The following KALRN variants were observed in gnomAD, a reference collection of about 807,000 sequenced individuals.
KALRN encodes the protein kalirin RhoGEF kinase, also known as kalirin.
In KALRN, 70 loss-of-function variants were observed where a neutral mutation model predicts 353.7. That is an observed-to-expected ratio of 0.20 (90% confidence interval 0.16 to 0.24). The LOEUF (loss-of-function observed/expected upper bound fraction) is 0.24. Ranked by LOEUF, KALRN falls within the 10% of genes least tolerant of loss-of-function variation. KALRN has a pLI of 1.00. For missense variants in KALRN, 2,791 were observed against 3,756.7 expected, an observed-to-expected ratio of 0.74 and a Z score of 6.72; for synonymous variants, 1,391 against 1,434.8, an observed-to-expected ratio of 0.97 and a Z score of 0.69.
chr3:124,556,331 T>C (rs2071239470), intron 33 of KALRN, among the ~76,000 whole-genome samples: 1 of 152,150 alleles, frequency 6.6e-6, no homozygotes, highest in South Asian at 2.1e-4. Flanking sequence ...GCTTCCAACA[T>C]ACAAACTGAT....
At chr3:124,392,256 GTC>G (rs1215687662) in intron 11 of KALRN, among the ~76,000 whole-genome samples, 4 of 151,984 alleles carry the variant, frequency 2.6e-5, no homozygotes, top group Non-Finnish European at 5.9e-5. Flanking sequence ...TAGATGCTGG[GTC>G]TTACCATGTT....
At chr3:124,187,145 A>C (rs976358780) in intron 1 of KALRN, among the ~76,000 whole-genome samples, 2 of 152,144 alleles carry the variant, frequency 1.3e-5, no homozygotes, top group Non-Finnish European at 2.9e-5. Flanking sequence ...CAGTGGCTTG[A>C]TCTCAGCTCG....
intron 16 of KALRN, among the ~76,000 whole-genome samples, chr3:124,431,293 C>T (rs954347068): frequency 6.6e-6 from 1 of 152,070 alleles, no homozygotes; most frequent in Non-Finnish European, 1.5e-5. Context: ...ATATTTTTAC[C>T]CCGCTGAAAG....
intron 6 of KALRN, among the ~76,000 whole-genome samples, chr3:124,305,454 GC>G (rs2077608404): frequency 6.6e-6 from 1 of 152,184 alleles, no homozygotes; most frequent in Non-Finnish European, 1.5e-5. Context: ...AACCACTTAT[GC>G]CCCAGTACAT....
chr3:124,479,533 G>A (rs1456867515), intron 27 of KALRN, among the ~76,000 whole-genome samples: 2 of 151,580 alleles, frequency 1.3e-5, no homozygotes, highest in Non-Finnish European at 1.5e-5. Flanking sequence ...TAATCTTTGT[G>A]GCTTACTTTC....
intron 5 of KALRN, among the ~76,000 whole-genome samples, chr3:124,289,627 GT>G (rs1308489613): frequency 6.6e-6 from 1 of 152,160 alleles, no homozygotes; most frequent in Non-Finnish European, 1.5e-5. Context: ...TATCTGGGAA[GT>G]TATTGTTAGA....
chr3:124,490,855 A>C lies in KALRN; in HGVS notation c.4558A>C (p.Thr1520Pro), dbSNP rs1421803746. The C allele has an allele frequency of 1.2e-6, 2 of 1,613,404 alleles. No homozygotes were observed. ...SKEIKDSSGHTKYVYKNKLLT... is the reference protein window; with the variant it reads ...SKEIKDSSGHPKYVYKNKLLT... ...GGAGATCAAAGATTCTTCAGGACAC[A>C]CGAAATATGTTTACAAGAACAAGCT... The change falls in exon 30 of 60, where the codon ACG becomes CCG. Residue 1520 changes from threonine to proline, a missense_variant. Physicochemically the swap from Thr to Pro is conservative, Grantham distance 38. Around this residue, in one of 11 missense-constraint regions of KALRN, gnomAD observed 239 missense variants for 351.3 expected, o/e 0.68. Transcript: ENST00000682506.
intron 33 of KALRN, among the ~76,000 whole-genome samples, chr3:124,560,520 T>G (rs2109820028): frequency 6.6e-6 from 1 of 152,320 alleles, no homozygotes; most frequent in South Asian, 2.1e-4. Flanking sequence ...AGAGTGGAGC[T>G]TGTGTTTCAG....
At chr3:124,183,269 G>A (rs1350246824) in intron 1 of KALRN, among the ~76,000 whole-genome samples, 1 of 152,250 alleles carries the variant, frequency 6.6e-6, no homozygotes, top group East Asian at 1.9e-4. Flanking sequence ...GGTTTAATTG[G>A]CTCATGGTTC....
At chr3:124,556,925 C>A (rs919334294) in intron 33 of KALRN, among the ~76,000 whole-genome samples, 1 of 152,134 alleles carries the variant, frequency 6.6e-6, no homozygotes, top group Non-Finnish European at 1.5e-5. Flanking sequence ...TACAACTGTA[C>A]GTCTTGTCCT....
At chr3:124,270,672 C>T (rs1242086980) in intron 5 of KALRN, among the ~76,000 whole-genome samples, 1 of 152,092 alleles carries the variant, frequency 6.6e-6, no homozygotes, top group African/African-American at 2.4e-5. Flanking sequence ...CTGGCCTGAC[C>T]TGCCCTGAGA....
At chr3:124,393,572 G>C (rs2089773351) in intron 11 of KALRN, among the ~76,000 whole-genome samples, 1 of 152,158 alleles carries the variant, frequency 6.6e-6, no homozygotes, top group Admixed American at 6.6e-5. Flanking sequence ...ATAAATGTGA[G>C]GGATGCTGAA....
At chr3:124,117,784 T>C (rs189992670) in intron 1 of KALRN, among the ~76,000 whole-genome samples, 15 of 152,296 alleles carry the variant, frequency 9.8e-5, no homozygotes, top group Admixed American at 2.6e-4. Context: ...AAGCTTCAGA[T>C]TGAGGCATTC....
intron 34 of KALRN, among the ~76,000 whole-genome samples, chr3:124,628,187 T>C (rs1322608132): frequency 6.6e-5 from 2 of 30,212 alleles, no homozygotes; most frequent in African/African-American, 2.6e-4. Flanking sequence ...CCTCCCTCCT[T>C]CATTCCCTCC....
At chr3:124,288,142 T>C (rs2076118286) in intron 5 of KALRN, among the ~76,000 whole-genome samples, 1 of 152,132 alleles carries the variant, frequency 6.6e-6, no homozygotes, top group Non-Finnish European at 1.5e-5. Flanking sequence ...CCCAAAGTGC[T>C]GGGATTACAG....
rs1320443493 is a variant in KALRN at position 124,667,198 on chromosome 3, T to C, written c.6703+15T>C. ...CTTTTTGAATGGTGGGTGCTGGGCT[T>C]GGTTCCTTGCAGGGCTGTGTCAGGG... On this transcript the variant is annotated intron_variant, in intron 47 of 59. Coordinates refer to ENST00000682506, the MANE Select transcript of KALRN (RefSeq NM_001388419.1). 2 of 1,610,714 alleles carry C rather than the reference T, an allele frequency of 1.2e-6. No homozygotes were observed. Among genetic ancestry groups the C allele is most frequent in the South Asian group, 2.2e-5 (2 of 90,650 alleles).
chr3:124,569,777 C>T (rs191599999), intron 34 of KALRN, among the ~76,000 whole-genome samples: 47 of 152,326 alleles, frequency 3.1e-4, no homozygotes, highest in Admixed American at 2.4e-3. Context: ...GTTACACATA[C>T]CCACCTTCCC....
Position 124,719,565 on chromosome 3 carries a change from C to A in KALRN, c.*95C>A. The A allele has an allele frequency of 8.4e-7, 1 of 1,183,934 alleles. No homozygotes were observed. Among genetic ancestry groups the A allele is most frequent in the Non-Finnish European group, 1.2e-6 (1 of 844,112 alleles). The allele number at this position is 1,183,934 out of a possible 1,614,324, so 73.3% of individuals were successfully genotyped here. A position where few individuals can be genotyped will look rare whatever the true frequency, so the allele number is the denominator to read the frequency against. ...AAATAATTCTGTTCATCATTTCACT[C>A]CGTGCAGTTCTCTGAATTGAGAGAT... is the stretch of plus-strand genomic sequence containing the variant. On this transcript the variant is annotated 3_prime_UTR_variant, in exon 60 of 60. Coordinates refer to ENST00000682506, the MANE Select transcript of KALRN (RefSeq NM_001388419.1). The surrounding 1 kb of genome is among the most constrained non-coding windows in gnomAD (Gnocchi z 5.3).
At chr3:124,699,731 C>T in intron 55 of KALRN, 138 bp from the exon 56 acceptor site, 1 of 779,886 alleles carries the variant, frequency 1.3e-6, no homozygotes, top group East Asian at 2.6e-5. Context: ...AGCCTACAGG[C>T]TTTCAGAGCC....
Sources: gnomAD v4.1 joint callset for allele counts (sites outside exome capture counted in the v4.1 genomes callset) on GRCh38, gnomAD v4.1.1 for gene constraint, gnomAD v4.1.1 regional missense constraint, Gnocchi (gnomAD v3.1) non-coding constraint, MANE v1.5 for transcripts, NCBI Gene and HGNC (gene_info 2026-07-23, HGNC 2026-07-21) for gene names.